The following TMEM8B variants were observed in gnomAD, a reference collection of about 807,000 sequenced individuals.
TMEM8B encodes nasopharyngeal carcinoma expressed 6.
A neutral mutation model predicts 49.3 loss-of-function variants in TMEM8B; 29 were observed. The ratio of observed to expected loss-of-function variants is 0.59; its 90% confidence interval spans 0.44 to 0.80. The LOEUF (loss-of-function observed/expected upper bound fraction) is 0.80. Ranked by LOEUF, TMEM8B falls within the 30% of genes least tolerant of loss-of-function variation. TMEM8B has a pLI of 0.00. For missense variants in TMEM8B, 575 were observed against 658.5 expected (o/e 0.87, Z 1.39); for synonymous variants, 264 against 272.8 (o/e 0.97, Z 0.32).
intron 1 of TMEM8B, among the ~76,000 whole-genome samples, chr9:35,834,067 CACA>C (rs1210830384): frequency 2.0e-5 from 3 of 151,412 alleles, no homozygotes; most frequent in African/African-American, 7.3e-5. Context: ...CACACACACA[CACA>C]CCTTCCACAC....
Position 35,845,991 on chromosome 9 carries a change from A to G in TMEM8B, c.1652A>G (p.Glu551Gly), listed in dbSNP as rs1173364579. ...CCTCCCCAGAGCTCCGTGCGCCAGGAAAACGTGACGGTGTTTGGATGCTTG... is the reference window on the plus strand; with the variant it reads ...CCTCCCCAGAGCTCCGTGCGCCAGGGAAACGTGACGGTGTTTGGATGCTTG... ...LQLNASSVRQ[E>G]NVTVFGCLTH... The change falls in exon 7 of 13, where the codon GAA becomes GGA. Residue 551 changes from glutamate to glycine, a missense_variant. Transcript: ENST00000643932. 1 of 1,613,958 alleles carries G rather than the reference A, an allele frequency of 6.2e-7. No homozygotes were observed. Among genetic ancestry groups the G allele is most frequent in the Admixed American group, 1.7e-5 (1 of 60,006 alleles).
rs964504633 is a variant in TMEM8B, at chr9:35,841,673, C to G, written c.1188C>G (p.Ala396=). ...CAAGCTCTGTGGCCTGTGGAGGTGC[C>G]TCAGGATGCCAGCTGGAGCTGGCAC... is the stretch of plus-strand genomic sequence containing the variant. ...HNSSSVACGG[A]SGCQLELALP... is the part of the protein sequence containing the mutation. The change falls in exon 5 of 13, where the codon GCC becomes GCG. Residue 396 remains alanine (A), a synonymous_variant. Transcript: ENST00000643932. The surrounding 1 kb of genome is among the most constrained non-coding windows in gnomAD (Gnocchi z 5.9). 1 of 415,998 alleles carries G rather than the reference C, an allele frequency of 2.4e-6. No homozygotes were observed. The highest frequency in any genetic ancestry group is 3.6e-5 in the East Asian group (1 of 28,090). The allele number at this position is 415,998 out of a possible 1,614,324, so 25.8% of individuals were successfully genotyped here.
chr9:35,845,033 C>T (rs1160380818), intron 6 of TMEM8B, among the ~76,000 whole-genome samples: 2 of 152,070 alleles, frequency 1.3e-5, no homozygotes, highest in African/African-American at 2.4e-5. Context: ...CATATTGCCC[C>T]GGGCTTGCAT....
intron 6 of TMEM8B, chr9:35,845,290 C>A (rs1007977323): frequency 1.6e-6 from 1 of 638,326 alleles, no homozygotes; most frequent in Non-Finnish European, 1.9e-6. Context: ...TAGGGACAGA[C>A]TTTATTTTCC....
rs1183546481 is a variant in TMEM8B, at chr9:35,865,100, C to A, written c.*11260C>A. 1 of 152,236 alleles carries A rather than the reference C, an allele frequency of 6.6e-6. No homozygotes were observed. The highest frequency in any genetic ancestry group is 2.4e-5 in the African/African-American group (1 of 41,448). The allele number at this position is 152,236 out of a possible 1,614,324, so 9.4% of individuals were successfully genotyped here. The stretch of plus-strand genomic sequence containing the variant: ...TTCCTCGGCCTGCCCCAGGAGGGCC[C>A]TGCTGAGGTGAAGTGGGCATAGGAG... On this transcript the variant is annotated 3_prime_UTR_variant, in exon 13 of 13. Transcript: ENST00000643932.
rs1832567974 is a variant in TMEM8B, at chr9:35,857,225, T to C, written c.*3385T>C. 6.6e-6 allele frequency: 1 copy of C among 152,266 alleles called. No homozygotes were observed. The highest frequency in any genetic ancestry group is 2.4e-5 in the African/African-American group (1 of 41,450). The allele number at this position is 152,266 out of a possible 1,614,324, so 9.4% of individuals were successfully genotyped here. A position where few individuals can be genotyped will look rare whatever the true frequency, so the allele number is the denominator to read the frequency against. Reference sequence around the variant, plus strand: ...CAAACCTTCCATAGGGAACATGCTGTGGGAGCTACAGAGATGAGCCAGACC... The same window carrying C: ...CAAACCTTCCATAGGGAACATGCTGCGGGAGCTACAGAGATGAGCCAGACC... On this transcript the variant is annotated 3_prime_UTR_variant, in exon 13 of 13. Transcript: ENST00000643932.
chr9:35,839,413 G>T (rs777315351), intron 3 of TMEM8B, among the ~76,000 whole-genome samples: 1 of 152,076 alleles, frequency 6.6e-6, no homozygotes, highest in Admixed American at 6.5e-5. Flanking sequence ...CCTGACTTCC[G>T]GTGCTCTTTC....
chr9:35,852,713 C>G, intron 10 of TMEM8B, 114 bp from the exon 11 acceptor site: 1 of 1,255,998 alleles, frequency 8.0e-7, no homozygotes, highest in African/African-American at 1.5e-5. Flanking sequence ...CATCTGTGAC[C>G]TTTCACCTCT....
Position 35,842,506 on chromosome 9 carries a change from C to G in TMEM8B, c.1424C>G (p.Ala475Gly). ...PPEPPSLGTP[A>G]EGPGTTSPPE... ...GAACCGCCATCCCTTGGAACCCCTGCGGAGGGGCCTGGGACCACGTCCCCA... is the reference window on the plus strand; with the variant it reads ...GAACCGCCATCCCTTGGAACCCCTGGGGAGGGGCCTGGGACCACGTCCCCA... The change falls in exon 6 of 13, where the codon GCG becomes GGG. Residue 475 changes from alanine to glycine, a missense_variant. Transcript: ENST00000643932. The surrounding 1 kb of genome is among the most constrained non-coding windows in gnomAD (Gnocchi z 5.6). 1 of 1,611,452 alleles carries G rather than the reference C, an allele frequency of 6.2e-7. No individual in the cohort carries two copies. The highest frequency in any genetic ancestry group is 8.5e-7 in the Non-Finnish European group (1 of 1,178,362).
Position 35,841,150 on chromosome 9 carries a change from G to C in TMEM8B, c.923G>C (p.Cys308Ser). 2 of 415,824 alleles carry C rather than the reference G, an allele frequency of 4.8e-6. No individual in the cohort carries two copies. Among genetic ancestry groups the C allele is most frequent in the Non-Finnish European group, 8.8e-6 (2 of 226,492 alleles). 25.8% of individuals were successfully genotyped at this position (415,824 alleles called of 1,614,324 possible). The change falls in exon 4 of 13, where the codon TGT becomes TCT. Residue 308 changes from cysteine (C) to serine (S), a missense_variant. Cys to Ser is a moderately radical substitution (Grantham distance 112). Coordinates refer to ENST00000643932, the MANE Select transcript of TMEM8B (RefSeq NM_001042590.4). This position sits in a 1 kb window ranked among gnomAD's most constrained non-coding sequence, Gnocchi z 5.9. ...HISVKGLQDE[C>S]QYLLQPQLIV... is the part of the protein sequence containing the mutation. ...TTGTCCCAGGGTCTCCAGGATGAGT[G>C]TCAGTACCTCCTTCAGCCGCAGCTG... is the stretch of plus-strand genomic sequence containing the variant.
chr9:35,842,735 T>TGGGGAGGTTGCTCTGCC lies in TMEM8B; in HGVS notation c.1635+19_1635+35dup, dbSNP rs755422755. 7 of 1,589,424 alleles carry TGGGGAGGTTGCTCTGCC rather than the reference T, an allele frequency of 4.4e-6. No homozygotes were observed. Among genetic ancestry groups the TGGGGAGGTTGCTCTGCC allele is most frequent in the South Asian group, 1.1e-5 (1 of 88,384 alleles). ...TCAATGCGGTACTCTTTATGGAGAG[T>TGGGGAGGTTGCTCTGCC]GGGGAGGTTGCTCTGCCAGGGAGCT... On this transcript the variant is annotated intron_variant, in intron 6 of 12. Transcript: ENST00000643932. The surrounding 1 kb of genome is among the most constrained non-coding windows in gnomAD (Gnocchi z 5.6).
chr9:35,841,231 A>G lies in TMEM8B; in HGVS notation c.1004A>G (p.Gln335Arg), dbSNP rs958463120. The change falls in exon 4 of 13, where the codon CAA becomes CGA. Residue 335 changes from glutamine (Q) to arginine (R), a missense_variant. Coordinates refer to ENST00000643932, the MANE Select transcript of TMEM8B (RefSeq NM_001042590.4). The surrounding 1 kb of genome is among the most constrained non-coding windows in gnomAD (Gnocchi z 5.9). ...CTGGTTCCTGGCCGGCCCTCAGAGCAAACCCTCTCCCCACACAATCGCTCA... is the reference window on the plus strand; with the variant it reads ...CTGGTTCCTGGCCGGCCCTCAGAGCGAACCCTCTCCCCACACAATCGCTCA... Reference protein sequence around the residue: ...AVLVPGRPSEQTLSPHNRSAL... With the variant: ...AVLVPGRPSERTLSPHNRSAL... 2 of 416,032 alleles carry G rather than the reference A, an allele frequency of 4.8e-6. No homozygotes were observed. Among genetic ancestry groups the G allele is most frequent in the African/African-American group, 4.1e-5 (2 of 48,634 alleles). The allele number at this position is 416,032 out of a possible 1,614,324, so 25.8% of individuals were successfully genotyped here.
In TMEM8B at chr9:35,842,497, G is replaced by A; in HGVS notation, c.1415G>A (p.Gly472Glu). 6.2e-7 allele frequency: 1 copy of A among 1,608,572 alleles called. No individual in the cohort carries two copies. Among genetic ancestry groups the A allele is most frequent in the South Asian group, 1.1e-5 (1 of 90,558 alleles). Reference protein sequence around the residue: ...QPLPPEPPSLGTPAEGPGTTS... With the variant: ...QPLPPEPPSLETPAEGPGTTS... ...CTGCCCCCAGAACCGCCATCCCTTG[G>A]AACCCCTGCGGAGGGGCCTGGGACC... The change falls in exon 6 of 13, where the codon GGA becomes GAA. Residue 472 changes from glycine to glutamate, a missense_variant. Gly to Glu is a moderately conservative substitution (Grantham distance 98). Transcript: ENST00000643932. The surrounding 1 kb of genome is among the most constrained non-coding windows in gnomAD (Gnocchi z 5.6).
intron 3 of TMEM8B, chr9:35,835,430 T>C (rs1830350324): frequency 5.1e-6 from 2 of 388,438 alleles, no homozygotes; most frequent in Non-Finnish European, 9.1e-6. Flanking sequence ...CAGGAGGACA[T>C]GCTGGGTCCA....
chr9:35,843,006 C>A (rs16932706), intron 6 of TMEM8B, among the ~76,000 whole-genome samples: 1 of 152,128 alleles, frequency 6.6e-6, no homozygotes, highest in Non-Finnish European at 1.5e-5. Flanking sequence ...AGTTGTTAAC[C>A]TTTTCTTGCA....
rs1298965310 is a variant in TMEM8B, at chr9:35,864,903, C to A, written c.*11063C>A. 6.6e-6 allele frequency: 1 copy of A among 152,292 alleles called. No individual in the cohort carries two copies. Among genetic ancestry groups the A allele is most frequent in the African/African-American group, 2.4e-5 (1 of 41,448 alleles). 9.4% of individuals were successfully genotyped at this position (152,292 alleles called of 1,614,324 possible). Reference sequence around the variant, plus strand: ...GATGGGCTAGGTTCCCCGCACCTCGCCCTGCCACTGCCTCCCAGGACCTGC... The same window carrying A: ...GATGGGCTAGGTTCCCCGCACCTCGACCTGCCACTGCCTCCCAGGACCTGC... On this transcript the variant is annotated 3_prime_UTR_variant, in exon 13 of 13. Transcript: ENST00000643932.
Position 35,861,091 on chromosome 9 carries a change from C to T in TMEM8B, c.*7251C>T, listed in dbSNP as rs1229659741. On this transcript the variant is annotated 3_prime_UTR_variant, in exon 13 of 13. Transcript: ENST00000643932. ...GAGCTGAGTGTGAACTTTTATCACT[C>T]AGAAGATATAATCCACCTCTCCCCT... 1 of 152,298 alleles carries T rather than the reference C, an allele frequency of 6.6e-6. No individual in the cohort carries two copies. The highest frequency in any genetic ancestry group is 2.4e-5 in the African/African-American group (1 of 41,468). The allele number at this position is 152,298 out of a possible 1,614,324, so 9.4% of individuals were successfully genotyped here. A position where few individuals can be genotyped will look rare whatever the true frequency, so the allele number is the denominator to read the frequency against.
chr9:35,831,423 C>T (rs890932722), intron 1 of TMEM8B, among the ~76,000 whole-genome samples: 5 of 152,174 alleles, frequency 3.3e-5, no homozygotes, highest in African/African-American at 7.2e-5. Context: ...AGGGTGAGGG[C>T]AGTGTTGCAT....
chr9:35,846,287 A>C lies in TMEM8B; in HGVS notation c.1759A>C (p.Ser587Arg). ...CCTGGCCGGCTTCCTCCTCTCTGTC[A>C]GTGCCACCACCAGGGTTGCCAGGCT... ...ESLAGFLLSV[S>R]ATTRVARLRI... Residue 587 changes from serine to arginine, a missense_variant, in exon 8 of 13, where the codon AGT (serine) becomes CGT (arginine). By Grantham distance (110) the Ser-to-Arg change is moderately radical. Transcript: ENST00000643932. 6.2e-7 allele frequency: 1 copy of C among 1,614,136 alleles called. No homozygotes were observed. Among genetic ancestry groups the C allele is most frequent in the Non-Finnish European group, 8.5e-7 (1 of 1,180,022 alleles).
Sources: gnomAD v4.1 joint callset for allele counts (sites outside exome capture counted in the v4.1 genomes callset) on GRCh38, gnomAD v4.1.1 for gene constraint, Gnocchi (gnomAD v3.1) non-coding constraint, MANE v1.5 for transcripts, NCBI Gene and HGNC (gene_info 2026-07-23, HGNC 2026-07-21) for gene names.